MEIS2: variants seen among roughly 807,000 people sequenced by gnomAD.
MEIS2 encodes homeobox protein Meis2.
MEIS2 carries 9 observed loss-of-function variants against 58.6 expected under a neutral mutation model. That is an observed-to-expected ratio of 0.15 (90% CI 0.09 to 0.27). MEIS2 has a LOEUF of 0.27. Ranked by LOEUF, MEIS2 falls within the 10% of genes least tolerant of loss-of-function variation. The pLI is 1.00. For missense variants in MEIS2, 427 were observed against 635.0 expected, an observed-to-expected ratio of 0.67 and a Z score of 3.52; for synonymous variants, 221 against 228.4, an observed-to-expected ratio of 0.97 and a Z score of 0.29.
chr15:37,098,996 G>T, intron 1 of MEIS2: 1 of 983,882 alleles, frequency 1.0e-6, no homozygotes, highest in Non-Finnish European at 1.2e-6. Flanking sequence ...CGGCGCAGCG[G>T]CTGCGGCAGC....
chr15:37,044,417 A>G (rs753305996), intron 7 of MEIS2, among the ~76,000 whole-genome samples: 11 of 152,212 alleles, frequency 7.2e-5, no homozygotes, highest in Non-Finnish European at 1.5e-4. Flanking sequence ...AGTGTATCCA[A>G]TATGAGCCTA....
chr15:36,899,420 A>C (rs2056355556), intron 9 of MEIS2, among the ~76,000 whole-genome samples: 1 of 152,200 alleles, frequency 6.6e-6, no homozygotes. Flanking sequence ...ACTGACATAC[A>C]TAACATGGAG....
Position 36,933,679 on chromosome 15 carries a change from A to T in MEIS2, c.977+16645T>A, listed in dbSNP as rs910577334. Among the ~76,000 whole-genome samples the T allele has an allele frequency of 9.2e-5, 14 of 152,148 alleles. 1 individual carries two copies. The highest frequency in any genetic ancestry group is 3.4e-4 in the African/African-American group (14 of 41,424). On this transcript the variant is annotated intron_variant, in intron 9 of 11. Transcript: ENST00000561208. ...CAGAAGGGATTAACAGTGAAATCGTACTACCTGTTTCACATTTTGACTTGT... is the reference window on the plus strand; with the variant it reads ...CAGAAGGGATTAACAGTGAAATCGTTCTACCTGTTTCACATTTTGACTTGT...
chr15:37,080,224 C>A (rs770874401), intron 7 of MEIS2, among the ~76,000 whole-genome samples: 8 of 152,032 alleles, frequency 5.3e-5, no homozygotes, highest in Non-Finnish European at 7.4e-5. Context: ...GCGGCTGAAC[C>A]CATACCATTG....
At chr15:36,907,494 A>G (rs2056798068) in intron 9 of MEIS2, among the ~76,000 whole-genome samples, 1 of 152,286 alleles carries the variant, frequency 6.6e-6, no homozygotes, top group Non-Finnish European at 1.5e-5. Flanking sequence ...CTAAAGCAGC[A>G]GGGGATACTT....
At chr15:37,083,661 C>CT in intron 7 of MEIS2, 110 bp downstream of exon 7, 1 of 753,336 alleles carries the variant, frequency 1.3e-6, no homozygotes. Context: ...ATTCTACTCC[C>CT]TAACCTGCCA....
chr15:36,935,786 A>G (rs2058145256), intron 9 of MEIS2, among the ~76,000 whole-genome samples: 1 of 151,370 alleles, frequency 6.6e-6, no homozygotes. Context: ...CCCCCTCTGT[A>G]TCTCAGTTTT....
chr15:36,963,192 T>C (rs754729714), intron 8 of MEIS2, among the ~76,000 whole-genome samples: 23 of 151,988 alleles, frequency 1.5e-4, no homozygotes, highest in Non-Finnish European at 2.4e-4. Context: ...CTGGCCAACA[T>C]GGTGAAACCC....
chr15:36,915,892 A>G (rs1301821718), intron 9 of MEIS2, among the ~76,000 whole-genome samples: 1 of 152,222 alleles, frequency 6.6e-6, no homozygotes, highest in Non-Finnish European at 1.5e-5. Context: ...AAAACAAAAT[A>G]TTTAAAGTTA....
At chr15:36,901,845 T>C (rs1265549731) in intron 9 of MEIS2, among the ~76,000 whole-genome samples, 1 of 152,186 alleles carries the variant, frequency 6.6e-6, no homozygotes, top group Non-Finnish European at 1.5e-5. Context: ...TACTTTCATC[T>C]AATTCTTCCC....
Position 36,890,670 on chromosome 15 carries a change from T to C in MEIS2, c.*1503A>G, listed in dbSNP as rs559406794. ...CTTTGAGCACAGACATTATTTCTTATGTTGTAAAATTAACCCTGAAAAGTC... is the reference window on the plus strand; with the variant it reads ...CTTTGAGCACAGACATTATTTCTTACGTTGTAAAATTAACCCTGAAAAGTC... On this transcript the variant is annotated 3_prime_UTR_variant, in exon 12 of 12. Transcript: ENST00000561208. The C allele has an allele frequency of 2.6e-5, 4 of 152,302 alleles. No homozygotes were observed. The East Asian group carries it at 5.8e-4, about 22-fold the overall frequency. 9.4% of individuals were successfully genotyped at this position (152,302 alleles called of 1,614,324 possible).
At position 36,890,091 on chromosome 15, in the gene MEIS2, T is replaced by C. The variant is rs1372772667; in HGVS notation, c.*2082A>G. On this transcript the variant is annotated 3_prime_UTR_variant, in exon 12 of 12. Transcript: ENST00000561208. ...AGATGGAAGAGCCCCAAATAATAACTATGGATTTCTTCCAAGTTTAAGTTT... is the reference window on the plus strand; with the variant it reads ...AGATGGAAGAGCCCCAAATAATAACCATGGATTTCTTCCAAGTTTAAGTTT... 6.6e-6 allele frequency: 1 copy of C among 152,210 alleles called. No homozygotes were observed. Among genetic ancestry groups the C allele is most frequent in the Non-Finnish European group, 1.5e-5 (1 of 68,010 alleles). The allele number at this position is 152,210 out of a possible 1,614,324, so 9.4% of individuals were successfully genotyped here. A position where few individuals can be genotyped will look rare whatever the true frequency, so the allele number is the denominator to read the frequency against.
At chr15:37,077,597 T>C (rs1284674305) in intron 7 of MEIS2, among the ~76,000 whole-genome samples, 2 of 152,056 alleles carry the variant, frequency 1.3e-5, no homozygotes, top group East Asian at 3.9e-4. Flanking sequence ...AATGCTTCTA[T>C]GGTGCTGGAA....
intron 9 of MEIS2, among the ~76,000 whole-genome samples, chr15:36,910,259 G>A (rs2056943764): frequency 6.6e-6 from 1 of 152,140 alleles, no homozygotes; most frequent in African/African-American, 2.4e-5. Context: ...ATCTTTGTAA[G>A]CACATTTTGC....
At chr15:36,975,578 A>G (rs941965815) in intron 8 of MEIS2, among the ~76,000 whole-genome samples, 1 of 151,546 alleles carries the variant, frequency 6.6e-6, no homozygotes, top group Non-Finnish European at 1.5e-5. Flanking sequence ...ACAGTCTGAG[A>G]AGGTAAGTGA....
intron 8 of MEIS2, among the ~76,000 whole-genome samples, chr15:36,976,212 A>G (rs964907017): frequency 5.9e-5 from 9 of 151,670 alleles, no homozygotes; most frequent in African/African-American, 2.2e-4. Context: ...ATCCTCCCAC[A>G]TAGCTGGGAT....
rs112339453 is a variant in MEIS2, at chr15:36,971,899, G to T, written c.901-21499C>A. Reference sequence around the variant, plus strand: ...GTTTCTATTGCTGCAAAATGGAAAAGAATATATTTGGACAGCATTTCACTG... The same window carrying T: ...GTTTCTATTGCTGCAAAATGGAAAATAATATATTTGGACAGCATTTCACTG... On this transcript the variant is annotated intron_variant, in intron 8 of 11. Transcript: ENST00000561208. Among the ~76,000 whole-genome samples, 8 of 152,248 alleles carry T rather than the reference G, an allele frequency of 5.3e-5. 1 individual carries two copies. Among genetic ancestry groups the T allele is most frequent in the African/African-American group, 1.9e-4 (8 of 41,566 alleles).
chr15:37,043,530 A>G (rs2062523279), intron 7 of MEIS2, among the ~76,000 whole-genome samples: 1 of 152,130 alleles, frequency 6.6e-6, no homozygotes, highest in Admixed American at 6.6e-5. Flanking sequence ...AAAATACTTC[A>G]ATTTGTGCAC....
intron 8 of MEIS2, among the ~76,000 whole-genome samples, chr15:36,996,316 G>C (rs146773874): frequency 1.2e-4 from 18 of 152,190 alleles, no homozygotes; most frequent in African/African-American, 4.1e-4. Flanking sequence ...CACACTGGAA[G>C]AATGTGGGGC....
Sources: allele counts gnomAD v4.1 joint callset (sites outside exome capture counted in the v4.1 genomes callset), GRCh38; gene constraint gnomAD v4.1.1; transcripts MANE v1.5; gene names NCBI Gene and HGNC (gene_info 2026-07-23, HGNC 2026-07-21).